The following FTCDNL1 variants were observed in gnomAD, a reference collection of about 807,000 sequenced individuals.
FTCDNL1 encodes formiminotransferase N-terminal subdomain-containing protein.
A neutral mutation model predicts 5.9 loss-of-function variants in FTCDNL1; 11 were observed. That is an observed-to-expected ratio of 1.87 (90% CI 1.18 to 3.10). The LOEUF (loss-of-function observed/expected upper bound fraction) is 3.10, where lower values mean the gene tolerates loss of function less well. FTCDNL1 is among the 30% of genes most tolerant of loss of function. The probability of loss-of-function intolerance (pLI) is 0.00; values close to 1 mark genes in which losing one functional copy is unlikely to be tolerated. For missense variants in FTCDNL1, 115 were observed against 65.5 expected, an observed-to-expected ratio of 1.76 and a Z score of -2.61; for synonymous variants, 58 against 24.8, an observed-to-expected ratio of 2.34 and a Z score of -3.99.
At chr2:199,688,171 C>A in the FTCDNL1 span, among the ~76,000 whole-genome samples, 1 of 142,314 alleles carries the variant, frequency 7.0e-6, no homozygotes, top group African/African-American at 2.6e-5. Context: ...TCAGAGTTTG[C>A]AGTGAACCAA....
chr2:199,683,711 A>T, the FTCDNL1 span, among the ~76,000 whole-genome samples: 1 of 152,110 alleles, frequency 6.6e-6, no homozygotes, highest in Non-Finnish European at 1.5e-5. Context: ...GCATTTACGA[A>T]CTCATAAGAT....
At chr2:199,730,675 T>C in the FTCDNL1 span, among the ~76,000 whole-genome samples, 3 of 152,130 alleles carry the variant, frequency 2.0e-5, no homozygotes, top group East Asian at 5.8e-4. Context: ...ATGGCAATCA[T>C]TAAAAAGTCA....
the FTCDNL1 span, among the ~76,000 whole-genome samples, chr2:199,666,192 C>T: frequency 2.0e-5 from 3 of 152,130 alleles, no homozygotes; most frequent in South Asian, 6.2e-4. Context: ...AACAAGTGTT[C>T]AATAAAAATA....
the FTCDNL1 span, among the ~76,000 whole-genome samples, chr2:199,706,817 T>A: frequency 2.0e-5 from 3 of 152,150 alleles, no homozygotes; most frequent in Non-Finnish European, 4.4e-5. Context: ...CTTTCAACCA[T>A]GTTTAGTTGT....
the FTCDNL1 span, among the ~76,000 whole-genome samples, chr2:199,668,380 T>A: frequency 1.3e-5 from 2 of 152,212 alleles, no homozygotes; most frequent in Non-Finnish European, 2.9e-5. Flanking sequence ...AAATGTCCTA[T>A]AATCAGAAGG....
chr2:199,711,173 G>A, the FTCDNL1 span, among the ~76,000 whole-genome samples: 14 of 152,196 alleles, frequency 9.2e-5, 1 homozygote, highest in East Asian at 2.3e-3. Flanking sequence ...CAGACTGAGC[G>A]AGGTATGGGC....
At chr2:199,768,263 A>C (rs920221315) in intron 3 of FTCDNL1, among the ~76,000 whole-genome samples, 3 of 151,944 alleles carry the variant, frequency 2.0e-5, no homozygotes, top group African/African-American at 7.2e-5. Flanking sequence ...TTATATTTGC[A>C]TGCCAAAAAA....
intron 3 of FTCDNL1, among the ~76,000 whole-genome samples, chr2:199,803,952 T>C (rs1042137920): frequency 6.6e-6 from 1 of 152,178 alleles, no homozygotes; most frequent in Admixed American, 6.5e-5. Flanking sequence ...CAGTAAAAGA[T>C]AGCTACAAAT....
the FTCDNL1 span, among the ~76,000 whole-genome samples, chr2:199,737,705 A>G: frequency 1.3e-5 from 2 of 152,248 alleles, no homozygotes; most frequent in East Asian, 3.9e-4. Flanking sequence ...TAGGTCCCGC[A>G]CTTAGAAGGC....
chr2:199,723,121 C>T, the FTCDNL1 span, among the ~76,000 whole-genome samples: 25 of 152,146 alleles, frequency 1.6e-4, no homozygotes, highest in African/African-American at 5.3e-4. Context: ...CCCCTGCCCC[C>T]ACCAATAGGC....
At chr2:199,698,029 G>C in the FTCDNL1 span, among the ~76,000 whole-genome samples, 1 of 152,084 alleles carries the variant, frequency 6.6e-6, no homozygotes, top group Non-Finnish European at 1.5e-5. Context: ...TGATCAGAAA[G>C]GACAAAGAAG....
intron 3 of FTCDNL1, among the ~76,000 whole-genome samples, chr2:199,840,677 A>C (rs939012662): frequency 6.6e-6 from 1 of 152,176 alleles, no homozygotes; most frequent in Non-Finnish European, 1.5e-5. Context: ...AGGAGAAGGA[A>C]ATTGAAGTGT....
At chr2:199,845,461 C>T (rs565328370) in intron 3 of FTCDNL1, among the ~76,000 whole-genome samples, 1 of 152,004 alleles carries the variant, frequency 6.6e-6, no homozygotes, top group African/African-American at 2.4e-5. Flanking sequence ...ATTCCAGCTA[C>T]AAAGGAGGCT....
intron 3 of FTCDNL1, among the ~76,000 whole-genome samples, chr2:199,765,554 A>ATT (rs1394074600): frequency 3.6e-3 from 216 of 60,336 alleles, no homozygotes; most frequent in East Asian, 4.7e-3. Context: ...ATATATATAT[A>ATT]TATTTTTTTT....
At chr2:199,753,763 G>A in the FTCDNL1 span, among the ~76,000 whole-genome samples, 1 of 152,152 alleles carries the variant, frequency 6.6e-6, no homozygotes, top group East Asian at 1.9e-4. Context: ...AAAATGAAGA[G>A]GTAGGTCAGA....
At chr2:199,817,824 GATA>G (rs999946198) in intron 4 of FTCDNL1, among the ~76,000 whole-genome samples, 1 of 151,388 alleles carries the variant, frequency 6.6e-6, no homozygotes, top group African/African-American at 2.4e-5. Context: ...ATATAAAATA[GATA>G]ATGATGAGGC....
chr2:199,714,206 A>G, the FTCDNL1 span, among the ~76,000 whole-genome samples: 6 of 152,214 alleles, frequency 3.9e-5, no homozygotes, highest in Non-Finnish European at 7.3e-5. Context: ...TCTGAAAACA[A>G]TGAGGATAGG....
chr2:199,824,798 G>A (rs1046166550), intron 3 of FTCDNL1, among the ~76,000 whole-genome samples: 41 of 152,260 alleles, frequency 2.7e-4, no homozygotes, highest in African/African-American at 8.9e-4. Context: ...GTTGTGATTC[G>A]TGGCACCCCA....
intron 3 of FTCDNL1, among the ~76,000 whole-genome samples, chr2:199,825,213 A>G (rs1701955720): frequency 6.6e-6 from 1 of 152,188 alleles, no homozygotes; most frequent in African/African-American, 2.4e-5. Flanking sequence ...TGTGAAAATT[A>G]CCAAAATGTG....
Sources: allele counts gnomAD v4.1 joint callset (sites outside exome capture counted in the v4.1 genomes callset), GRCh38; gene constraint gnomAD v4.1.1; transcripts MANE v1.5; gene names NCBI Gene and HGNC (gene_info 2026-07-23, HGNC 2026-07-21).